Variants in PPARGC1A observed in about 807,000 individuals in gnomAD.
PPARGC1A encodes peroxisome proliferator-activated receptor gamma coactivator 1-alpha.
Under a neutral mutation model 88.7 loss-of-function variants are expected in PPARGC1A, and 25 were observed. The ratio of observed to expected loss-of-function variants is 0.28; its 90% CI spans 0.21 to 0.39. PPARGC1A has a LOEUF of 0.39. Ranked by LOEUF, PPARGC1A falls within the 10% of genes least tolerant of loss-of-function variation. The pLI, the probability that PPARGC1A is intolerant of heterozygous loss-of-function variation, is 1.00. For synonymous variants in PPARGC1A, 363 were observed against 355.6 expected, an observed-to-expected ratio of 1.02 and a Z score of -0.24; for missense variants, 880 against 968.7, an observed-to-expected ratio of 0.91 and a Z score of 1.22.
the PPARGC1A span, among the ~76,000 whole-genome samples, chr4:24,342,132 T>C: frequency 1.3e-5 from 2 of 152,224 alleles, no homozygotes; most frequent in Non-Finnish European, 2.9e-5. Flanking sequence ...TATTTCTTAC[T>C]CATTTTTGTG....
chr4:23,966,203 G>C, the PPARGC1A span, among the ~76,000 whole-genome samples: 2 of 152,170 alleles, frequency 1.3e-5, no homozygotes, highest in Admixed American at 1.3e-4. Flanking sequence ...ATAGAGTCTA[G>C]ACTTTGCATG....
At chr4:24,184,574 A>G in the PPARGC1A span, among the ~76,000 whole-genome samples, 1 of 152,222 alleles carries the variant, frequency 6.6e-6, no homozygotes, top group African/African-American at 2.4e-5. Context: ...GCAGGTATTC[A>G]ATAAATATTA....
rs775089083 is a variant in PPARGC1A, at chr4:23,814,453, A to G, written c.1030T>C (p.Ser344Pro). The change falls in exon 8 of 13, where the codon TCC becomes CCC. Residue 344 changes from serine (S) to proline (P), a missense_variant. Coordinates refer to ENST00000264867, the MANE Select transcript of PPARGC1A (RefSeq NM_013261.5). ...GATTGCTCCGGCCCTTTCTTGGTGG[A>G]GTTATTGCCTTGTGTACCAGAAGAC... ...SESSGTQGNN[S>P]TKKGPEQSEL... 2 of 1,613,550 alleles carry G rather than the reference A, an allele frequency of 1.2e-6. No individual in the cohort carries two copies. The highest frequency in any genetic ancestry group is 1.7e-6 in the Non-Finnish European group (2 of 1,179,880).
At chr4:24,402,555 G>A in the PPARGC1A span, among the ~76,000 whole-genome samples, 1 of 152,158 alleles carries the variant, frequency 6.6e-6, no homozygotes, top group South Asian at 2.1e-4. Flanking sequence ...CATTGCCCGA[G>A]GACAGATAAT....
the PPARGC1A span, among the ~76,000 whole-genome samples, chr4:23,913,267 T>TATATATATATAGAGAGAGAG: frequency 1.3e-5 from 1 of 77,532 alleles, no homozygotes; most frequent in African/African-American, 5.6e-5. Flanking sequence ...TATATATATA[T>TATATATATATAGAGAGAGAG]AGAGAGAGAG....
the PPARGC1A span, among the ~76,000 whole-genome samples, chr4:24,318,632 A>T: frequency 6.6e-6 from 1 of 152,214 alleles, no homozygotes; most frequent in South Asian, 2.1e-4. Flanking sequence ...TTTTTTAAGC[A>T]CTGAAAAAAG....
chr4:23,817,640 A>G (rs1328578770), intron 7 of PPARGC1A, among the ~76,000 whole-genome samples: 1 of 152,144 alleles, frequency 6.6e-6, no homozygotes, highest in African/African-American at 2.4e-5. Context: ...ACAAATAGGT[A>G]ATATTTGCTT....
chr4:24,028,645 C>A, the PPARGC1A span, among the ~76,000 whole-genome samples: 1 of 152,212 alleles, frequency 6.6e-6, no homozygotes, highest in South Asian at 2.1e-4. Context: ...CTCCTCATCT[C>A]ACTACCTGTA....
the PPARGC1A span, among the ~76,000 whole-genome samples, chr4:24,436,620 G>C: frequency 6.8e-6 from 1 of 148,116 alleles, no homozygotes; most frequent in Non-Finnish European, 1.5e-5. Flanking sequence ...CCACCCCAGA[G>C]CCCGGGTCAC....
the PPARGC1A span, among the ~76,000 whole-genome samples, chr4:24,241,068 A>G: frequency 6.6e-6 from 1 of 152,180 alleles, no homozygotes; most frequent in Admixed American, 6.5e-5. Flanking sequence ...GTTCACTCTC[A>G]ATTTGCTAAC....
At chr4:23,909,594 G>A in the PPARGC1A span, among the ~76,000 whole-genome samples, 18 of 152,028 alleles carry the variant, frequency 1.2e-4, 1 homozygote, top group East Asian at 3.6e-3. Context: ...CCCCAGGAAA[G>A]TGACAGGCAG....
the PPARGC1A span, among the ~76,000 whole-genome samples, chr4:24,178,527 A>G: frequency 1.3e-5 from 2 of 152,238 alleles, no homozygotes; most frequent in African/African-American, 4.8e-5. Flanking sequence ...CTTGTACAAC[A>G]TCACAGCATG....
At chr4:24,139,134 A>T in the PPARGC1A span, among the ~76,000 whole-genome samples, 1 of 151,522 alleles carries the variant, frequency 6.6e-6, no homozygotes, top group Admixed American at 6.6e-5. Context: ...CCACTATCAG[A>T]AACTTTTTTT....
the PPARGC1A span, among the ~76,000 whole-genome samples, chr4:24,143,092 G>A: frequency 2.0e-5 from 3 of 152,206 alleles, no homozygotes; most frequent in Non-Finnish European, 2.9e-5. Context: ...ATGCATACAT[G>A]TATCTTTCAA....
chr4:24,214,963 C>G, the PPARGC1A span, among the ~76,000 whole-genome samples: 3 of 152,176 alleles, frequency 2.0e-5, no homozygotes, highest in African/African-American at 7.2e-5. Context: ...TTGTAACCAA[C>G]AAAATGGCTC....
At chr4:24,026,371 G>A in the PPARGC1A span, among the ~76,000 whole-genome samples, 1 of 152,160 alleles carries the variant, frequency 6.6e-6, no homozygotes, top group Admixed American at 6.5e-5. Context: ...AGAAGTACAT[G>A]GAACTCCTGG....
At chr4:24,083,362 C>G in the PPARGC1A span, among the ~76,000 whole-genome samples, 1 of 152,178 alleles carries the variant, frequency 6.6e-6, no homozygotes. Flanking sequence ...CCCAAGTCCC[C>G]AGACAATCTG....
At chr4:24,408,389 C>A in the PPARGC1A span, among the ~76,000 whole-genome samples, 1 of 151,216 alleles carries the variant, frequency 6.6e-6, no homozygotes, top group African/African-American at 2.4e-5. Flanking sequence ...AGCAACAGTT[C>A]AAATTGGGTC....
the PPARGC1A span, among the ~76,000 whole-genome samples, chr4:23,953,051 A>C: frequency 2.0e-5 from 3 of 152,050 alleles, no homozygotes; most frequent in African/African-American, 7.2e-5. Flanking sequence ...GTTTGCTATA[A>C]CTTACTTAGG....
Sources: gnomAD v4.1 joint callset for allele counts (sites outside exome capture counted in the v4.1 genomes callset) on GRCh38, gnomAD v4.1.1 for gene constraint, MANE v1.5 for transcripts, NCBI Gene and HGNC (gene_info 2026-07-23, HGNC 2026-07-21) for gene names.